Variants in BIRC6 observed in about 807,000 individuals in gnomAD.
The protein encoded by BIRC6 is baculoviral IAP repeat containing 6.
A neutral mutation model predicts 503.3 loss-of-function variants in BIRC6; 98 were observed. That is an observed-to-expected ratio of 0.19 (90% CI 0.17 to 0.23). BIRC6 has a LOEUF of 0.23. BIRC6 is among the 10% of genes least tolerant of loss of function. The pLI is 1.00. For synonymous variants in BIRC6, 2,240 were observed against 2,078.7 expected, an observed-to-expected ratio of 1.08 and a Z score of -2.11; for missense variants, 5,360 against 5,806.0, an observed-to-expected ratio of 0.92 and a Z score of 2.50.
chr2:32,470,939 C>T, intron 31 of BIRC6, 75 bp from the exon 32 acceptor site: 1 of 1,419,672 alleles, frequency 7.0e-7, no homozygotes, highest in South Asian at 1.3e-5. Context: ...TGTTTTGTTT[C>T]ACTTATATTA....
chr2:32,438,987 A>C (rs978202064), intron 15 of BIRC6, among the ~76,000 whole-genome samples: 7 of 152,200 alleles, frequency 4.6e-5, no homozygotes, highest in African/African-American at 1.7e-4. Flanking sequence ...TCATGTGCCT[A>C]ATAAATGGCA....
At chr2:32,445,772 C>A in intron 21 of BIRC6, 104 bp downstream of exon 21, 1 of 884,540 alleles carries the variant, frequency 1.1e-6, no homozygotes. Context: ...CAGTCTTTTT[C>A]TTACAAAAAT....
chr2:32,615,532 G>T (rs1400519564), intron 73 of BIRC6, among the ~76,000 whole-genome samples: 3 of 152,198 alleles, frequency 2.0e-5, no homozygotes, highest in East Asian at 1.9e-4. Context: ...CCTTTATGTT[G>T]TTGGTATTTA....
intron 65 of BIRC6, among the ~76,000 whole-genome samples, chr2:32,572,664 AT>A (rs2059995297): frequency 6.6e-6 from 1 of 152,150 alleles, no homozygotes; most frequent in African/African-American, 2.4e-5. Flanking sequence ...ATACTATAAA[AT>A]TATAGTAAGT....
intron 59 of BIRC6, chr2:32,527,157 G>T (rs2056341711): frequency 6.6e-6 from 1 of 152,192 alleles, no homozygotes; most frequent in South Asian, 2.1e-4. Context: ...TGTTTTCAAG[G>T]AGTGAATTTC....
chr2:32,419,991 T>C (rs2042768926), intron 10 of BIRC6, among the ~76,000 whole-genome samples: 2 of 152,204 alleles, frequency 1.3e-5, no homozygotes, highest in African/African-American at 4.8e-5. Context: ...TTCAGTATGG[T>C]AAAATATATT....
intron 30 of BIRC6, 43 bp downstream of exon 30, chr2:32,469,657 T>A (rs760890882): frequency 6.8e-7 from 1 of 1,477,938 alleles, no homozygotes; most frequent in Non-Finnish European, 9.3e-7. Context: ...TAATGATGTG[T>A]ACTTTTCACA....
chr2:32,600,418 C>A (rs913464235), intron 70 of BIRC6, among the ~76,000 whole-genome samples: 1 of 152,140 alleles, frequency 6.6e-6, no homozygotes, highest in Admixed American at 6.5e-5. Flanking sequence ...AGAAGAATTT[C>A]AAAAGGTACA....
chr2:32,576,836 C>T (rs188270099), intron 66 of BIRC6, among the ~76,000 whole-genome samples: 256 of 152,180 alleles, frequency 1.7e-3, no homozygotes, highest in African/African-American at 5.9e-3. Context: ...CATTGCCAGG[C>T]AGTCAGAATC....
intron 1 of BIRC6, among the ~76,000 whole-genome samples, chr2:32,376,993 A>G (rs1355780121): frequency 1.3e-5 from 2 of 152,166 alleles, no homozygotes; most frequent in East Asian, 1.9e-4. Context: ...GCACTGCTGT[A>G]TCTAATAACT....
chr2:32,555,872 T>C (rs374830644), intron 65 of BIRC6, among the ~76,000 whole-genome samples: 4 of 125,170 alleles, frequency 3.2e-5, no homozygotes, highest in South Asian at 2.5e-4. Context: ...GCCGTGATCA[T>C]ACCACTACAC....
chr2:32,615,290 A>G (rs1377376044), intron 73 of BIRC6, among the ~76,000 whole-genome samples: 2 of 152,150 alleles, frequency 1.3e-5, no homozygotes, highest in African/African-American at 4.8e-5. Flanking sequence ...CTCAGTTCTC[A>G]TGATTGCCAG....
chr2:32,378,572 C>G (rs4019436), intron 2 of BIRC6, among the ~76,000 whole-genome samples: 48,534 of 151,682 alleles, frequency 0.32, 8,441 homozygotes, highest in East Asian at 0.66. Context: ...ATTCTCTTGC[C>G]TCAGCCTCCC....
chr2:32,598,679 C>T (rs993005411), intron 69 of BIRC6, among the ~76,000 whole-genome samples: 12 of 152,130 alleles, frequency 7.9e-5, no homozygotes, highest in East Asian at 7.7e-4. Flanking sequence ...TCCATAGATA[C>T]GCAGCTAAAA....
At chr2:32,468,147 CTTTGTAT>C (rs751824056) in intron 28 of BIRC6, 36 bp downstream of exon 28, 1 of 1,573,820 alleles carries the variant, frequency 6.4e-7, no homozygotes, top group South Asian at 1.1e-5. Context: ...GTTATTGAAA[CTTTGTAT>C]TTTATATAAT....
At chr2:32,564,334 C>T (rs1409619273) in intron 65 of BIRC6, 2 of 152,172 alleles carry the variant, frequency 1.3e-5, no homozygotes, top group Admixed American at 6.5e-5. Flanking sequence ...AACAACATTC[C>T]ATTTTATGGC....
At chr2:32,580,382 G>A (rs2060592569) in intron 66 of BIRC6, among the ~76,000 whole-genome samples, 3 of 152,164 alleles carry the variant, frequency 2.0e-5, no homozygotes. Flanking sequence ...GAGTACAAAT[G>A]AAGAGGGGCA....
chr2:32,615,933 G>A (rs775712870), intron 73 of BIRC6, among the ~76,000 whole-genome samples: 10 of 151,858 alleles, frequency 6.6e-5, no homozygotes, highest in African/African-American at 1.5e-4. Flanking sequence ...AGACCCGGCC[G>A]ACACAATTTT....
In BIRC6 at chr2:32,442,309, G is replaced by C; in HGVS notation, c.4107-15G>C. Reference sequence around the variant, plus strand: ...AAGTTCAGGATGAGTCTAAATGTCTGCTATTGTTTTGCAGCTCAAAGGAAG... The same window carrying C: ...AAGTTCAGGATGAGTCTAAATGTCTCCTATTGTTTTGCAGCTCAAAGGAAG... On this transcript the variant is annotated splice_polypyrimidine_tract_variant and intron_variant, in intron 18 of 73. Coordinates refer to ENST00000421745, the MANE Select transcript of BIRC6 (RefSeq NM_016252.4). 1 of 1,612,778 alleles carries C rather than the reference G, an allele frequency of 6.2e-7. No individual in the cohort carries two copies. Among genetic ancestry groups the C allele is most frequent in the Non-Finnish European group, 8.5e-7 (1 of 1,179,372 alleles).
Sources: allele counts gnomAD v4.1 joint callset (sites outside exome capture counted in the v4.1 genomes callset), GRCh38; gene constraint gnomAD v4.1.1; transcripts MANE v1.5; gene names NCBI Gene and HGNC (gene_info 2026-07-23, HGNC 2026-07-21).